Variants in HAUS4 observed in about 807,000 individuals in gnomAD.
The protein encoded by HAUS4 is HAUS augmin-like complex subunit 4.
A neutral mutation model predicts 50.6 loss-of-function variants in HAUS4; 34 were observed. That is an observed-to-expected ratio of 0.67 (90% CI 0.51 to 0.90). HAUS4 has a LOEUF of 0.90. HAUS4 is among the 40% of genes least tolerant of loss of function. The pLI is 0.00. For missense variants in HAUS4, 370 were observed against 428.7 expected (o/e 0.86, Z 1.21); for synonymous variants, 149 against 161.4 (o/e 0.92, Z 0.58).
At position 22,946,642 on chromosome 14, in the gene HAUS4, G is replaced by A. The variant is rs748051551; in HGVS notation, c.975C>T (p.Asn325=). The part of the protein sequence containing the change: ...QDMENSRQVL[N]SYEVLGEEFD... ...ACTCCTCCCCAAGGACCTCATAGGA[G>A]TTCAGGACCTGTCTTGAGTTCTCCA... The change falls in exon 10 of 10, where the codon AAC becomes AAT. Residue 325 remains asparagine, a synonymous_variant. Coordinates refer to ENST00000541587, the MANE Select transcript of HAUS4 (RefSeq NM_001166269.2). 6.2e-7 allele frequency: 1 copy of A among 1,613,880 alleles called. No homozygotes were observed. Among genetic ancestry groups the A allele is most frequent in the South Asian group, 1.1e-5 (1 of 91,070 alleles).
At chr14:22,955,241 T>C (rs1267110952) in intron 1 of HAUS4, 65 bp from the exon 2 acceptor site, 3 of 957,852 alleles carry the variant, frequency 3.1e-6, no homozygotes, top group Non-Finnish European at 5.2e-6. Flanking sequence ...CCAAGGACAC[T>C]ACCTTATGTT....
chr14:22,955,405 T>C, intron 1 of HAUS4: 1 of 532,446 alleles, frequency 1.9e-6, no homozygotes, highest in Non-Finnish European at 3.4e-6. Flanking sequence ...AGCACACATG[T>C]GTTTCCACTT....
intron 2 of HAUS4, among the ~76,000 whole-genome samples, chr14:22,953,763 G>T (rs562997619): frequency 1.1e-4 from 17 of 151,710 alleles, no homozygotes; most frequent in South Asian, 8.3e-4. Flanking sequence ...TGGGACTACA[G>T]GCACCCGCCA....
chr14:22,954,911 G>A (rs7150114), intron 2 of HAUS4, among the ~76,000 whole-genome samples, 189 bp downstream of exon 2: 4,186 of 152,006 alleles, frequency 0.028, 192 homozygotes, highest in African/African-American at 0.094. Context: ...ATTTTTAGTA[G>A]AGACAGGGTT....
intron 1 of HAUS4, 28 bp from the exon 2 acceptor site, chr14:22,955,204 A>G (rs2044837854): frequency 1.5e-6 from 2 of 1,324,808 alleles, no homozygotes; most frequent in East Asian, 4.6e-5. Context: ...GAAAGAAAAC[A>G]AAAAGATGAA....
intron 2 of HAUS4, 110 bp downstream of exon 2, chr14:22,954,990 G>T: frequency 2.4e-6 from 2 of 822,308 alleles, no homozygotes; most frequent in Non-Finnish European, 4.3e-6. Context: ...CTCCCAAAGT[G>T]CTGGGATTAC....
At chr14:22,948,186 C>A (rs970624430) in intron 6 of HAUS4, 173 bp from the exon 7 acceptor site, 7 of 653,824 alleles carry the variant, frequency 1.1e-5, no homozygotes, top group Non-Finnish European at 1.7e-5. Context: ...TGGTGGCTTA[C>A]GCCTGCAATC....
chr14:22,946,520 A>G lies in HAUS4; in HGVS notation c.*5T>C, dbSNP rs199534311. ...AGAAGCCATGTCTCCTGGCCCTGCC[A>G]GAGCTCAACGGTAGACCTTGCTGAA... is the stretch of plus-strand genomic sequence containing the variant. On this transcript the variant is annotated 3_prime_UTR_variant, in exon 10 of 10. Coordinates refer to ENST00000541587, the MANE Select transcript of HAUS4 (RefSeq NM_001166269.2). 29 of 1,609,854 alleles carry G rather than the reference A, an allele frequency of 1.8e-5. No individual in the cohort carries two copies. Among genetic ancestry groups the G allele is most frequent in the Admixed American group, 8.4e-5 (5 of 59,566 alleles).
At chr14:22,947,496 C>A in intron 8 of HAUS4, 105 bp downstream of exon 8, 2 of 1,251,486 alleles carry the variant, frequency 1.6e-6, no homozygotes, top group Non-Finnish European at 2.3e-6. Context: ...TTACTGGATA[C>A]CCACAAGGCG....
At chr14:22,955,249 G>C (rs1195627029) in intron 1 of HAUS4, 73 bp from the exon 2 acceptor site, 1 of 930,510 alleles carries the variant, frequency 1.1e-6, no homozygotes, top group Non-Finnish European at 1.8e-6. Flanking sequence ...ACTACCTTAT[G>C]TTCAAATTTC....
chr14:22,956,199 G>A lies in HAUS4; in HGVS notation c.-23+717C>T, dbSNP rs1481635165. 2.0e-5 allele frequency among the ~76,000 whole-genome samples: 3 copies of A among 152,270 alleles called. No individual in the cohort carries two copies. In the East Asian group the frequency reaches 5.8e-4, roughly 29 times the overall value. On this transcript the variant is annotated intron_variant, in intron 1 of 9. Transcript: ENST00000541587. ...CGCAGCTGAGGAGGCAGAATGCTGGGACTTAATTTGCAGCTCGGCCGGCCG... is the reference window on the plus strand; with the variant it reads ...CGCAGCTGAGGAGGCAGAATGCTGGAACTTAATTTGCAGCTCGGCCGGCCG...
rs751288894 is a variant in HAUS4, at chr14:22,947,673, G to C, written c.767C>G (p.Thr256Ser). 3.1e-6 allele frequency: 5 copies of C among 1,614,020 alleles called. No individual in the cohort carries two copies. Among genetic ancestry groups the C allele is most frequent in the Non-Finnish European group, 3.4e-6 (4 of 1,180,008 alleles). Reference protein sequence around the residue: ...QRLLQEHRLKTQSELDRINAQ... With the variant: ...QRLLQEHRLKSQSELDRINAQ... ...ATTGATGCGGTCTAGCTCGGATTGA[G>C]TCTTCAGCCGGTGTTCTTGAAGAAG... is the stretch of plus-strand genomic sequence containing the variant. The change falls in exon 8 of 10, where the codon ACT becomes AGT. Residue 256 changes from threonine (T) to serine (S), a missense_variant. Physicochemically the swap from Thr to Ser is moderately conservative, Grantham distance 58 (BLOSUM62 1). Coordinates refer to ENST00000541587, the MANE Select transcript of HAUS4 (RefSeq NM_001166269.2).
Position 22,955,145 on chromosome 14 carries a change from C to T in HAUS4, c.10G>A (p.Gly4Arg), listed in dbSNP as rs143658941. The T allele has an allele frequency of 6.2e-6, 10 of 1,610,990 alleles. 1 individual carries two copies. Among genetic ancestry groups the T allele is most frequent in the East Asian group, 4.5e-5 (2 of 44,892 alleles). MAS[G>R]DFCSPGEGME... is the part of the protein sequence containing the mutation. The stretch of plus-strand genomic sequence containing the variant: ...CCTTCTCCAGGTGAGCAGAAATCCC[C>T]GGATGCCATTTGATTTTCTTGGGAT... Residue 4 changes from glycine (G) to arginine (R), a missense_variant, in exon 2 of 10, where the codon GGG becomes AGG. Coordinates refer to ENST00000541587, the MANE Select transcript of HAUS4 (RefSeq NM_001166269.2).
chr14:22,955,395 A>G, intron 1 of HAUS4: 1 of 557,906 alleles, frequency 1.8e-6, no homozygotes, highest in Admixed American at 3.1e-5. Context: ...TCACATTCTA[A>G]GCACACATGT....
chr14:22,950,385 A>G lies in HAUS4; in HGVS notation c.491T>C (p.Leu164Pro). The change falls in exon 6 of 10, where the codon CTA becomes CCA. Residue 164 changes from leucine (L) to proline (P), a missense_variant. Transcript: ENST00000541587. ...GAGCTGCTCCTCTACTTCTTGCTGT[A>G]GCCGAGCCCTCATCCACACAAAATC... ...SEDFVWMRARLQQEVEEQLKK... is the reference protein window; with the variant it reads ...SEDFVWMRARPQQEVEEQLKK... 1 of 1,612,706 alleles carries G rather than the reference A, an allele frequency of 6.2e-7. No homozygotes were observed. Among genetic ancestry groups the G allele is most frequent in the Middle Eastern group, 1.6e-4 (1 of 6,062 alleles).
At chr14:22,952,079 G>T (rs545367113) in intron 4 of HAUS4, among the ~76,000 whole-genome samples, 1 of 152,064 alleles carries the variant, frequency 6.6e-6, no homozygotes, top group Non-Finnish European at 1.5e-5. Context: ...GTGCTGTGGC[G>T]CAATCTCGGC....
At chr14:22,949,547 A>AAAAAAAGAGAT (rs2044713539) in intron 6 of HAUS4, among the ~76,000 whole-genome samples, 1 of 151,714 alleles carries the variant, frequency 6.6e-6, no homozygotes, top group Admixed American at 6.6e-5. Context: ...AAAAAAAAAA[A>AAAAAAAGAGAT]AAAGAGATAC....
At chr14:22,946,786 T>TA in intron 9 of HAUS4, 78 bp from the exon 10 acceptor site, 1 of 1,020,758 alleles carries the variant, frequency 9.8e-7, no homozygotes, top group Non-Finnish European at 1.4e-6. Flanking sequence ...AAAAACTTTT[T>TA]TTTTTTTTTT....
intron 2 of HAUS4, among the ~76,000 whole-genome samples, chr14:22,953,679 G>A (rs2044802313): frequency 6.6e-6 from 1 of 151,440 alleles, no homozygotes; most frequent in Non-Finnish European, 1.5e-5. Flanking sequence ...GGAGTGCAAT[G>A]GCACGATCTC....
Sources: gnomAD v4.1 joint callset for allele counts (sites outside exome capture counted in the v4.1 genomes callset) on GRCh38, gnomAD v4.1.1 for gene constraint, MANE v1.5 for transcripts, NCBI Gene and HGNC (gene_info 2026-07-23, HGNC 2026-07-21) for gene names.